EPHB1: variants seen among roughly 807,000 people sequenced by gnomAD.
EPHB1 encodes the protein ephrin type-B receptor 1.
A neutral mutation model predicts 94.4 loss-of-function variants in EPHB1; 30 were observed. That is an observed-to-expected ratio of 0.32 (90% CI 0.24 to 0.43). The LOEUF (loss-of-function observed/expected upper bound fraction) is 0.43, where lower values mean the gene tolerates loss of function less well. Ranked by LOEUF, EPHB1 falls within the 20% of genes least tolerant of loss-of-function variation. EPHB1 has a pLI of 1.00. For synonymous variants in EPHB1, 522 were observed against 489.1 expected (o/e 1.07, Z -0.89); for missense variants, 1,055 against 1,308.3 (o/e 0.81, Z 2.99).
At chr3:135,225,914 G>A (rs550601883) in intron 12 of EPHB1, among the ~76,000 whole-genome samples, 4 of 152,318 alleles carry the variant, frequency 2.6e-5, no homozygotes, top group South Asian at 2.1e-4. Context: ...TGGGAATGTG[G>A]GAGCAACTCC....
At chr3:134,891,182 T>A (rs2037975490) in intron 1 of EPHB1, among the ~76,000 whole-genome samples, 1 of 152,222 alleles carries the variant, frequency 6.6e-6, no homozygotes, top group South Asian at 2.1e-4. Context: ...CTTGGCCTAC[T>A]GCAACTTGCA....
At position 135,260,192 on chromosome 3, in the gene EPHB1, T is replaced by A. The variant is rs1389859644; in HGVS notation, c.*1072T>A. ...GGAGAAGGAAAGTGTTTCTGGAGAA[T>A]GTTCTTTCACATCACTGGAATCTGC... On this transcript the variant is annotated 3_prime_UTR_variant, in exon 16 of 16. Transcript: ENST00000398015. The A allele has an allele frequency of 8.6e-6, 2 of 232,926 alleles. No individual in the cohort carries two copies. The highest frequency in any genetic ancestry group is 2.2e-5 in the African/African-American group (1 of 45,320). The allele number at this position is 232,926 out of a possible 1,614,324, so 14.4% of individuals were successfully genotyped here.
chr3:135,193,303 AG>A (rs1346529809), intron 11 of EPHB1, among the ~76,000 whole-genome samples: 3 of 152,222 alleles, frequency 2.0e-5, no homozygotes. Context: ...TGAGTAGGGA[AG>A]GGGAAGACTG....
At chr3:135,166,763 A>C (rs1042630410) in intron 8 of EPHB1, among the ~76,000 whole-genome samples, 179 bp from the exon 9 acceptor site, 6 of 152,218 alleles carry the variant, frequency 3.9e-5, no homozygotes, top group Non-Finnish European at 5.9e-5. Flanking sequence ...CACAGGAGTG[A>C]GTGGTGGTCA....
intron 4 of EPHB1, among the ~76,000 whole-genome samples, chr3:135,112,104 C>T (rs1939471520): frequency 1.3e-5 from 2 of 152,348 alleles, no homozygotes; most frequent in South Asian, 2.1e-4. Context: ...CTGGAGTGAG[C>T]TCAGCGGGGG....
chr3:135,053,307 A>C (rs935672534), intron 3 of EPHB1, among the ~76,000 whole-genome samples: 2 of 151,974 alleles, frequency 1.3e-5, no homozygotes, highest in Non-Finnish European at 2.9e-5. Context: ...GGAGCCCATA[A>C]ATATGTAACA....
Position 134,861,419 on chromosome 3 carries a change from G to C in EPHB1, c.59-64397G>C, listed in dbSNP as rs370168994. Among the ~76,000 whole-genome samples the C allele has an allele frequency of 2.2e-4, 34 of 152,246 alleles. 1 individual carries two copies. The East Asian group carries it at 6.4e-3, about 29-fold the overall frequency. On this transcript the variant is annotated intron_variant, in intron 1 of 15. Coordinates refer to ENST00000398015, the MANE Select transcript of EPHB1 (RefSeq NM_004441.5). ...ACTCCACATTTTGGGGGATGAGGAG[G>C]GAATGTGAATGGATAGGGAGGCAGT...
intron 3 of EPHB1, among the ~76,000 whole-genome samples, chr3:135,012,475 G>C (rs186439902): frequency 1.3e-5 from 2 of 152,218 alleles, no homozygotes; most frequent in Admixed American, 6.5e-5. Context: ...GTTCATGAAG[G>C]TGTGTAGCTT....
intron 1 of EPHB1, among the ~76,000 whole-genome samples, chr3:134,880,123 C>G (rs1199399816): frequency 6.6e-6 from 1 of 152,224 alleles, no homozygotes; most frequent in African/African-American, 2.4e-5. Flanking sequence ...AAGAAGCACT[C>G]TGCTTCAGTC....
chr3:135,092,293 G>T (rs1473727844), intron 3 of EPHB1, among the ~76,000 whole-genome samples: 3 of 152,204 alleles, frequency 2.0e-5, no homozygotes, highest in Non-Finnish European at 2.9e-5. Context: ...GGCTCTCAGA[G>T]TGACCAAAGT....
intron 1 of EPHB1, among the ~76,000 whole-genome samples, chr3:134,900,592 G>A (rs534925044): frequency 5.1e-4 from 78 of 152,222 alleles, no homozygotes; most frequent in African/African-American, 1.9e-3. Context: ...CTGGGTTAAC[G>A]GGGCCCAGTG....
chr3:135,045,694 G>A (rs1382560985), intron 3 of EPHB1, among the ~76,000 whole-genome samples: 1 of 152,142 alleles, frequency 6.6e-6, no homozygotes, highest in Non-Finnish European at 1.5e-5. Context: ...AAACTTGACA[G>A]CTTCCCACTA....
At chr3:134,898,069 C>T (rs562992017) in intron 1 of EPHB1, among the ~76,000 whole-genome samples, 62 of 152,088 alleles carry the variant, frequency 4.1e-4, no homozygotes, top group Non-Finnish European at 6.5e-4. Context: ...CAGCTGACAT[C>T]GATTCCGGAG....
intron 2 of EPHB1, among the ~76,000 whole-genome samples, chr3:134,935,907 A>G (rs2038992425): frequency 6.6e-6 from 1 of 152,160 alleles, no homozygotes; most frequent in Non-Finnish European, 1.5e-5. Flanking sequence ...TACTTGTATG[A>G]CCTCACTTCT....
intron 13 of EPHB1, among the ~76,000 whole-genome samples, chr3:135,242,804 G>A (rs892081127): frequency 2.6e-5 from 4 of 152,122 alleles, no homozygotes; most frequent in African/African-American, 7.2e-5. Context: ...CCAGCAGGGC[G>A]CAGTGGCTCA....
At chr3:134,848,530 C>G (rs143754809) in intron 1 of EPHB1, among the ~76,000 whole-genome samples, 360 of 152,296 alleles carry the variant, frequency 2.4e-3, no homozygotes, top group African/African-American at 8.3e-3. Flanking sequence ...GAGCTTTCGT[C>G]TTTATTAAAC....
chr3:135,199,292 A>G (rs1388590110), intron 11 of EPHB1, among the ~76,000 whole-genome samples: 1 of 152,212 alleles, frequency 6.6e-6, no homozygotes, highest in Non-Finnish European at 1.5e-5. Flanking sequence ...TTGCATGACA[A>G]CTTTCTGAAG....
At chr3:135,181,939 G>A (rs576294061) in intron 10 of EPHB1, among the ~76,000 whole-genome samples, 2 of 152,284 alleles carry the variant, frequency 1.3e-5, no homozygotes, top group Admixed American at 6.5e-5. Context: ...TTTCTATGAT[G>A]CCCAGTAGCA....
intron 12 of EPHB1, among the ~76,000 whole-genome samples, chr3:135,239,179 C>G (rs1402934191): frequency 6.6e-6 from 1 of 152,210 alleles, no homozygotes; most frequent in Non-Finnish European, 1.5e-5. Flanking sequence ...GGACTGTCTT[C>G]TTTGCAGAAA....
Sources: allele counts gnomAD v4.1 joint callset (sites outside exome capture counted in the v4.1 genomes callset), GRCh38; gene constraint gnomAD v4.1.1; transcripts MANE v1.5; gene names NCBI Gene and HGNC (gene_info 2026-07-23, HGNC 2026-07-21).